Variants in MYO3B observed in about 807,000 individuals in gnomAD.
The protein encoded by MYO3B is myosin IIIB, also known as myosin-IIIb.
A neutral mutation model predicts 174.6 loss-of-function variants in MYO3B; 156 were observed. That is an observed-to-expected ratio of 0.89 (90% CI 0.78 to 1.02). MYO3B has a LOEUF of 1.02. Ranked by LOEUF, MYO3B falls within the 50% of genes least tolerant of loss-of-function variation. The pLI, the probability that MYO3B is intolerant of heterozygous loss-of-function variation, is 0.00. For missense variants in MYO3B, 1,632 were observed against 1,639.4 expected (o/e 1.00, Z 0.08); for synonymous variants, 563 against 569.1 (o/e 0.99, Z 0.15).
intron 8 of MYO3B, among the ~76,000 whole-genome samples, chr2:170,351,570 G>C (rs75998648): frequency 2.6e-5 from 4 of 152,012 alleles, no homozygotes; most frequent in Admixed American, 2.0e-4. Context: ...CTCTGGGCTA[G>C]AGACCCAGAG....
intron 25 of MYO3B, among the ~76,000 whole-genome samples, chr2:170,485,620 C>T (rs1257308382): frequency 6.6e-6 from 1 of 152,134 alleles, no homozygotes; most frequent in Non-Finnish European, 1.5e-5. Flanking sequence ...TTTAGCCGTT[C>T]CTCTACTGGT....
At chr2:170,234,183 A>AC (rs752514432) in intron 6 of MYO3B, among the ~76,000 whole-genome samples, 1,028 of 91,548 alleles carry the variant, frequency 0.011, 23 homozygotes, top group South Asian at 0.039. Flanking sequence ...AAAAAAAAAA[A>AC]AAAACAAAAC....
chr2:170,353,654 G>A (rs749458945), intron 8 of MYO3B, among the ~76,000 whole-genome samples: 1 of 151,988 alleles, frequency 6.6e-6, no homozygotes, highest in Admixed American at 6.6e-5. Flanking sequence ...GTGCGTGTAG[G>A]GGGGCCGGGG....
At chr2:170,310,163 C>A (rs2093728114) in intron 7 of MYO3B, among the ~76,000 whole-genome samples, 1 of 152,186 alleles carries the variant, frequency 6.6e-6, no homozygotes, top group Non-Finnish European at 1.5e-5. Flanking sequence ...TGTATCCATT[C>A]ATCCATTGAT....
chr2:170,265,554 G>C (rs906773990), intron 7 of MYO3B, among the ~76,000 whole-genome samples: 1 of 152,206 alleles, frequency 6.6e-6, no homozygotes, highest in Non-Finnish European at 1.5e-5. Context: ...CATGTGGCAG[G>C]CATGGGCCAA....
At chr2:170,323,230 G>A (rs2093841907) in intron 7 of MYO3B, among the ~76,000 whole-genome samples, 1 of 152,172 alleles carries the variant, frequency 6.6e-6, no homozygotes, top group African/African-American at 2.4e-5. Context: ...TTTGGAGGGA[G>A]CTAAATGACA....
intron 32 of MYO3B, among the ~76,000 whole-genome samples, chr2:170,618,098 G>A (rs1695582003): frequency 6.6e-6 from 1 of 152,190 alleles, no homozygotes; most frequent in Non-Finnish European, 1.5e-5. Flanking sequence ...ACATACATTA[G>A]TGGGTCCCAG....
chr2:170,435,602 T>C (rs565671609), intron 22 of MYO3B, among the ~76,000 whole-genome samples: 2 of 152,364 alleles, frequency 1.3e-5, no homozygotes, highest in South Asian at 4.1e-4. Flanking sequence ...TCTACTGCGA[T>C]ATAACTTAAT....
chr2:170,193,088 T>C (rs1256755908), intron 1 of MYO3B, among the ~76,000 whole-genome samples: 1 of 151,964 alleles, frequency 6.6e-6, no homozygotes, highest in African/African-American at 2.4e-5. Context: ...TGTTCTGTCA[T>C]AGCTGACAAT....
intron 23 of MYO3B, among the ~76,000 whole-genome samples, chr2:170,462,027 A>G (rs970405062): frequency 6.6e-6 from 1 of 152,222 alleles, no homozygotes; most frequent in African/African-American, 2.4e-5. Context: ...AAACCTCCAG[A>G]GTGGACCCAT....
intron 32 of MYO3B, among the ~76,000 whole-genome samples, chr2:170,588,237 G>A (rs1364526906): frequency 1.3e-5 from 2 of 151,888 alleles, no homozygotes; most frequent in Non-Finnish European, 2.9e-5. Flanking sequence ...CTTCAAGACA[G>A]CCTGGGCAAC....
intron 23 of MYO3B, among the ~76,000 whole-genome samples, chr2:170,458,435 T>A (rs1684038285): frequency 6.6e-6 from 1 of 152,192 alleles, no homozygotes; most frequent in Admixed American, 6.5e-5. Context: ...GCTTTTCTGG[T>A]CTCTTTTTTT....
chr2:170,354,357 T>A (rs993854576), intron 8 of MYO3B, among the ~76,000 whole-genome samples: 1 of 152,178 alleles, frequency 6.6e-6, no homozygotes, highest in South Asian at 2.1e-4. Context: ...TCCTAAAAGA[T>A]CCTTTGATGT....
intron 32 of MYO3B, among the ~76,000 whole-genome samples, chr2:170,598,578 T>C (rs535891263): frequency 3.9e-4 from 60 of 152,294 alleles, no homozygotes; most frequent in African/African-American, 1.4e-3. Flanking sequence ...GCCTTTATAC[T>C]AAGAACCATG....
At chr2:170,293,681 G>A (rs1367314144) in intron 7 of MYO3B, among the ~76,000 whole-genome samples, 2 of 152,126 alleles carry the variant, frequency 1.3e-5, no homozygotes, top group African/African-American at 4.8e-5. Context: ...CCAAGTGGCT[G>A]GAGGATAGAG....
At chr2:170,435,993 G>A (rs1030336083) in intron 22 of MYO3B, among the ~76,000 whole-genome samples, 5 of 152,164 alleles carry the variant, frequency 3.3e-5, no homozygotes, top group East Asian at 1.9e-4. Context: ...GAAAATTGCC[G>A]TCTTTTAAAA....
intron 7 of MYO3B, among the ~76,000 whole-genome samples, chr2:170,297,555 T>G (rs1231684074): frequency 6.6e-6 from 1 of 152,150 alleles, no homozygotes; most frequent in Non-Finnish European, 1.5e-5. Context: ...TACTGACTGA[T>G]AGAGGGGAAA....
At chr2:170,275,756 AT>A (rs775675897) in intron 7 of MYO3B, among the ~76,000 whole-genome samples, 3 of 152,178 alleles carry the variant, frequency 2.0e-5, no homozygotes, top group South Asian at 4.1e-4. Flanking sequence ...ATTAAAAAAA[AT>A]ACCTGGATTT....
intron 3 of MYO3B, among the ~76,000 whole-genome samples, chr2:170,212,185 G>A (rs1210763957): frequency 6.6e-6 from 1 of 151,834 alleles, no homozygotes; most frequent in Non-Finnish European, 1.5e-5. Flanking sequence ...GGAGTTTGTG[G>A]TGAGCCAAGA....
Sources: gnomAD v4.1 joint callset for allele counts (sites outside exome capture counted in the v4.1 genomes callset) on GRCh38, gnomAD v4.1.1 for gene constraint, MANE v1.5 for transcripts, NCBI Gene and HGNC (gene_info 2026-07-23, HGNC 2026-07-21) for gene names.